The following KCNJ16 variants were observed in gnomAD, a reference collection of about 807,000 sequenced individuals.
The protein encoded by KCNJ16 is potassium inwardly rectifying channel subfamily J member 16.
KCNJ16 carries 15 observed loss-of-function variants against 18.5 expected under a neutral mutation model. That is an observed-to-expected ratio of 0.81 (90% CI 0.54 to 1.25). The LOEUF (loss-of-function observed/expected upper bound fraction) is 1.25, where lower values mean the gene tolerates loss of function less well. KCNJ16 is among the 50% of genes most tolerant of loss of function. The pLI is 0.00. For missense variants in KCNJ16, 523 were observed against 525.7 expected, an observed-to-expected ratio of 0.99 and a Z score of 0.05; for synonymous variants, 174 against 186.5, an observed-to-expected ratio of 0.93 and a Z score of 0.55.
At chr17:70,100,428 A>G (rs2072572883) in intron 1 of KCNJ16, among the ~76,000 whole-genome samples, 1 of 152,102 alleles carries the variant, frequency 6.6e-6, no homozygotes, top group Non-Finnish European at 1.5e-5. Flanking sequence ...TGTCTTCAGT[A>G]CTGGAATTTA....
intron 1 of KCNJ16, among the ~76,000 whole-genome samples, chr17:70,088,992 T>C (rs1438123962): frequency 6.6e-6 from 1 of 152,242 alleles, no homozygotes; most frequent in Non-Finnish European, 1.5e-5. Context: ...TAAAACTTAA[T>C]GAGAAAAGGT....
chr17:70,131,985 T>G lies in KCNJ16; in HGVS notation c.-93-10T>G. 6.4e-7 allele frequency: 1 copy of G among 1,551,950 alleles called. No individual in the cohort carries two copies. Among genetic ancestry groups the G allele is most frequent in the South Asian group, 1.2e-5 (1 of 85,052 alleles). ...CTAAAAAGTGTGTTTTTGTTGTTGT[T>G]GTTTTTTAGGTTCTAACTGAAAACC... On this transcript the variant is annotated splice_polypyrimidine_tract_variant and intron_variant, in intron 3 of 3. Transcript: ENST00000392671.
intron 2 of KCNJ16, among the ~76,000 whole-genome samples, chr17:70,124,898 T>TTGTGTGTGTGTGTGTGTGTG (rs71149824): frequency 0.043 from 6,465 of 151,160 alleles, 460 homozygotes; most frequent in African/African-American, 0.15. Flanking sequence ...GGGTGTGTGT[T>TTGTGTGTGTGTGTGTGTGTG]TGTGTGTGTG....
intron 1 of KCNJ16, among the ~76,000 whole-genome samples, chr17:70,075,636 G>C (rs1350720452): frequency 6.6e-6 from 1 of 152,134 alleles, no homozygotes; most frequent in East Asian, 1.9e-4. Flanking sequence ...TGTTTACAGA[G>C]TCTGTTAAAC....
intron 1 of KCNJ16, among the ~76,000 whole-genome samples, chr17:70,095,043 G>A (rs2072291628): frequency 6.6e-6 from 1 of 152,120 alleles, no homozygotes; most frequent in South Asian, 2.1e-4. Context: ...CTAAAAAAAA[G>A]CAATTAGATA....
intron 2 of KCNJ16, among the ~76,000 whole-genome samples, chr17:70,102,442 G>C (rs2072688332): frequency 3.3e-5 from 5 of 150,682 alleles, no homozygotes; most frequent in Non-Finnish European, 5.9e-5. Flanking sequence ...TGGCCAGGCT[G>C]GTCTCCAACT....
At chr17:70,097,664 C>T (rs1309194524) in intron 1 of KCNJ16, among the ~76,000 whole-genome samples, 2 of 152,074 alleles carry the variant, frequency 1.3e-5, no homozygotes, top group African/African-American at 2.4e-5. Flanking sequence ...CTCTTGTCTC[C>T]TTTACCCACT....
chr17:70,078,296 A>G lies in KCNJ16; in HGVS notation c.-300+2906A>G, dbSNP rs185644739. On this transcript the variant is annotated intron_variant, in intron 1 of 3. Transcript: ENST00000392671. ...TGACAGGTGTATAAGAAAATTTTAA[A>G]AAGTCAATCATCTGGGGAAAAAACA... 1.4e-3 allele frequency among the ~76,000 whole-genome samples: 212 copies of G among 152,304 alleles called. 1 individual carries two copies. The highest frequency in any genetic ancestry group is 2.6e-3 in the Non-Finnish European group (179 of 68,022).
intron 2 of KCNJ16, among the ~76,000 whole-genome samples, chr17:70,112,119 T>G (rs2073211581): frequency 6.6e-6 from 1 of 152,158 alleles, no homozygotes; most frequent in African/African-American, 2.4e-5. Context: ...CACACTCAGG[T>G]GCCCCTGGGA....
At chr17:70,094,345 G>A (rs901443735) in intron 1 of KCNJ16, among the ~76,000 whole-genome samples, 4 of 152,180 alleles carry the variant, frequency 2.6e-5, no homozygotes, top group Admixed American at 1.3e-4. Context: ...AATAGCAATA[G>A]TTTCAAGCTT....
intron 2 of KCNJ16, among the ~76,000 whole-genome samples, chr17:70,126,648 T>C (rs2073865266): frequency 6.6e-6 from 1 of 152,228 alleles, no homozygotes; most frequent in African/African-American, 2.4e-5. Flanking sequence ...GTCCGCCTCC[T>C]GATTCGGGCC....
intron 3 of KCNJ16, among the ~76,000 whole-genome samples, 181 bp downstream of exon 3, chr17:70,131,156 G>A (rs2074041969): frequency 6.7e-6 from 1 of 148,466 alleles, no homozygotes; most frequent in Non-Finnish European, 1.5e-5. Context: ...CAAATTTTTG[G>A]GACTCTATTC....
At chr17:70,127,509 C>G (rs930613292) in intron 2 of KCNJ16, among the ~76,000 whole-genome samples, 2 of 151,882 alleles carry the variant, frequency 1.3e-5, no homozygotes, top group Admixed American at 1.3e-4. Flanking sequence ...TGGCATTGTC[C>G]TAACTCTTAA....
chr17:70,103,427 A>G (rs2072766148), intron 2 of KCNJ16, among the ~76,000 whole-genome samples: 1 of 150,902 alleles, frequency 6.6e-6, no homozygotes, highest in African/African-American at 2.4e-5. Context: ...TTAGTCTCCC[A>G]AAGTGCTAGG....
intron 2 of KCNJ16, among the ~76,000 whole-genome samples, chr17:70,103,154 ATAATTT>A (rs904750628): frequency 1.4e-5 from 2 of 145,632 alleles, no homozygotes; most frequent in African/African-American, 5.0e-5. Context: ...TATAATATAT[ATAATTT>A]ATTTAATATA....
chr17:70,118,780 T>A lies in KCNJ16; in HGVS notation c.-190-12099T>A, dbSNP rs138263719. Among the ~76,000 whole-genome samples the A allele has an allele frequency of 2.7e-3, 416 of 152,268 alleles. 3 individuals carry two copies. The highest frequency in any genetic ancestry group is 9.5e-3 in the African/African-American group (396 of 41,560). Reference sequence around the variant, plus strand: ...GGGGAATACATTTCAACATGAGATTTGGGTGGGGACAAATACCCAAACTAT... The same window carrying A: ...GGGGAATACATTTCAACATGAGATTAGGGTGGGGACAAATACCCAAACTAT... On this transcript the variant is annotated intron_variant, in intron 2 of 3. Coordinates refer to ENST00000392671, the MANE Select transcript of KCNJ16 (RefSeq NM_170741.4).
Position 70,100,663 on chromosome 17 carries a change from G to A in KCNJ16, c.-294G>A, listed in dbSNP as rs1160011178. The A allele has an allele frequency of 1.3e-5, 2 of 152,114 alleles. No individual in the cohort carries two copies. The highest frequency in any genetic ancestry group is 6.6e-5 in the Admixed American group (1 of 15,262). The allele number at this position is 152,114 out of a possible 1,614,324, so 9.4% of individuals were successfully genotyped here. ...CTATTATCTTCCTTTTACAGAATGG[G>A]GGATTGAGGCACAGAGTGTTAAAAT... On this transcript the variant is annotated 5_prime_UTR_variant, in exon 2 of 4. Coordinates refer to ENST00000392671, the MANE Select transcript of KCNJ16 (RefSeq NM_170741.4).
intron 2 of KCNJ16, among the ~76,000 whole-genome samples, chr17:70,103,296 G>GTATATATATATATATA (rs1173280296): frequency 1.4e-5 from 1 of 72,050 alleles, no homozygotes; most frequent in African/African-American, 4.4e-5. Flanking sequence ...ATGTGTGTGT[G>GTATATATATATATATA]TATATATATA....
rs778173694 is a variant in KCNJ16, at chr17:70,131,974, TTTG to T, written c.-93-9_-93-7del. 20 of 1,536,902 alleles carry T rather than the reference TTTG, an allele frequency of 1.3e-5. No homozygotes were observed. The South Asian group carries it at 1.8e-4, about 14-fold the overall frequency. On this transcript the variant is annotated intron_variant, in intron 3 of 3. Transcript: ENST00000392671. ...GACATTGAAAGCTAAAAAGTGTGTTTTTGTTGTTGTTGTTTTTTAGGTTCTAAC... is the reference window on the plus strand; with the variant it reads ...GACATTGAAAGCTAAAAAGTGTGTTTTTGTTGTTGTTTTTTAGGTTCTAAC...
Sources: allele counts gnomAD v4.1 joint callset (sites outside exome capture counted in the v4.1 genomes callset), GRCh38; gene constraint gnomAD v4.1.1; transcripts MANE v1.5; gene names NCBI Gene and HGNC (gene_info 2026-07-23, HGNC 2026-07-21).